CHMP5: variants seen among roughly 807,000 people sequenced by gnomAD.
The protein encoded by CHMP5 is charged multivesicular body protein 5.
In CHMP5, 17 loss-of-function variants were observed where a neutral mutation model predicts 33.0. That is an observed-to-expected ratio of 0.52 (90% CI 0.35 to 0.77). The LOEUF (loss-of-function observed/expected upper bound fraction) is 0.77. Among genes scored for constraint, CHMP5 ranks in the 30% least tolerant of loss-of-function variants. CHMP5 has a pLI of 0.01. For synonymous variants in CHMP5, 76 were observed against 90.2 expected (o/e 0.84, Z 0.89); for missense variants, 216 against 261.5 (o/e 0.83, Z 1.20).
intron 1 of CHMP5, among the ~76,000 whole-genome samples, chr9:33,265,808 C>T (rs1011000554): frequency 3.9e-5 from 6 of 152,166 alleles, no homozygotes; most frequent in South Asian, 2.1e-4. Flanking sequence ...ATATCAGAAT[C>T]GGGGCAGTGT....
In CHMP5 at chr9:33,281,145, A is replaced by T. The variant is rs2118062293; in HGVS notation, c.*286A>T. ...CATTCATTAATAATAATTTGAAATA[A>T]AACTAAGGAAATGGAATCTTAAAAG... On this transcript the variant is annotated 3_prime_UTR_variant, in exon 8 of 8. Coordinates refer to ENST00000223500, the MANE Select transcript of CHMP5 (RefSeq NM_016410.6). 1 of 322,912 alleles carries T rather than the reference A, an allele frequency of 3.1e-6. No individual in the cohort carries two copies. The highest frequency in any genetic ancestry group is 5.9e-5 in the East Asian group (1 of 16,918). 20.0% of individuals were successfully genotyped at this position (322,912 alleles called of 1,614,324 possible).
rs117341273 is a variant in CHMP5, at chr9:33,272,425, C to T, written c.387+1202C>T. On this transcript the variant is annotated intron_variant, in intron 5 of 7. Coordinates refer to ENST00000223500, the MANE Select transcript of CHMP5 (RefSeq NM_016410.6). Reference sequence around the variant, plus strand: ...AAAAAAAAAAAGAGAGAAAGCAGTACAGCCTGATTCAAGCAGTGTTTGTTA... The same window carrying T: ...AAAAAAAAAAAGAGAGAAAGCAGTATAGCCTGATTCAAGCAGTGTTTGTTA... 1.7e-4 allele frequency among the ~76,000 whole-genome samples: 25 copies of T among 149,010 alleles called. No individual in the cohort carries two copies. The East Asian group carries it at 3.9e-3, about 23-fold the overall frequency.
intron 6 of CHMP5, chr9:33,277,803 T>C (rs1190851716): frequency 4.7e-6 from 1 of 210,544 alleles, no homozygotes; most frequent in East Asian, 9.9e-5. Context: ...GCTTTCCCGC[T>C]CTCTCCATGG....
rs572875571 is a variant in CHMP5 at position 33,278,172 on chromosome 9, G to A, written c.556G>A (p.Ala186Thr). The A allele has an allele frequency of 1.3e-5, 21 of 1,613,394 alleles. No homozygotes were observed. Among genetic ancestry groups the A allele is most frequent in the African/African-American group, 9.3e-5 (7 of 75,032 alleles). Residue 186 changes from alanine to threonine, a missense_variant, in exon 7 of 8, where the codon GCA becomes ACA. By Grantham distance (58) the Ala-to-Thr change is moderately conservative. Coordinates refer to ENST00000223500, the MANE Select transcript of CHMP5 (RefSeq NM_016410.6). ...ADEDSSYLDE[A>T]ASAPAIPEGV... The stretch of plus-strand genomic sequence containing the variant: ...TGAAGACAGTTCTTATTTGGATGAG[G>A]CAGCATCTGCACCTGCAATTCCAGA...
intron 2 of CHMP5, 31 bp from the exon 3 acceptor site, chr9:33,267,822 T>A: frequency 6.5e-7 from 1 of 1,542,412 alleles, no homozygotes; most frequent in Non-Finnish European, 9.0e-7. Context: ...GTTTTCCACC[T>A]TATTTTTATT....
At chr9:33,267,040 A>G (rs1820735783) in intron 2 of CHMP5, among the ~76,000 whole-genome samples, 1 of 152,194 alleles carries the variant, frequency 6.6e-6, no homozygotes. Context: ...GATAATACCC[A>G]CCTTACAGTA....
chr9:33,277,867 A>C, intron 6 of CHMP5: 1 of 348,810 alleles, frequency 2.9e-6, no homozygotes, highest in Non-Finnish European at 5.3e-6. Flanking sequence ...TTTATTTTTT[A>C]ATTTCCCATC....
chr9:33,268,294 T>G (rs2090069202), intron 3 of CHMP5, among the ~76,000 whole-genome samples: 1 of 152,226 alleles, frequency 6.6e-6, no homozygotes, highest in Non-Finnish European at 1.5e-5. Context: ...TTCCTATTAT[T>G]TATTTTAGAG....
intron 5 of CHMP5, among the ~76,000 whole-genome samples, chr9:33,275,176 G>A (rs143308978): frequency 1.4e-3 from 212 of 152,260 alleles, no homozygotes; most frequent in African/African-American, 4.5e-3. Context: ...AACGAGGATC[G>A]AAAATATAGT....
chr9:33,280,591 G>C (rs1383844990), intron 7 of CHMP5, among the ~76,000 whole-genome samples: 1 of 152,042 alleles, frequency 6.6e-6, no homozygotes, highest in East Asian at 1.9e-4. Flanking sequence ...TCTTTCCCCT[G>C]TGGAGGAGCC....
chr9:33,267,843 T>C lies in CHMP5; in HGVS notation c.175-10T>C, dbSNP rs753513450. ...CACCTTATTTTTATTAAATCTGTTTTTCTCTCCAGAATATGGTCAAGCAGA... is the reference window on the plus strand; with the variant it reads ...CACCTTATTTTTATTAAATCTGTTTCTCTCTCCAGAATATGGTCAAGCAGA... On this transcript the variant is annotated splice_polypyrimidine_tract_variant and intron_variant, in intron 2 of 7. Coordinates refer to ENST00000223500, the MANE Select transcript of CHMP5 (RefSeq NM_016410.6). The C allele has an allele frequency of 6.2e-7, 1 of 1,601,692 alleles. No individual in the cohort carries two copies. The highest frequency in any genetic ancestry group is 1.1e-5 in the South Asian group (1 of 90,652).
chr9:33,272,567 G>A (rs797006480), intron 5 of CHMP5, among the ~76,000 whole-genome samples: 32 of 152,220 alleles, frequency 2.1e-4, no homozygotes, highest in African/African-American at 7.5e-4. Flanking sequence ...CACTTTGGGA[G>A]GCCGAGGCGG....
chr9:33,270,950 C>T (rs1244896661), intron 4 of CHMP5, among the ~76,000 whole-genome samples: 1 of 152,090 alleles, frequency 6.6e-6, no homozygotes, highest in Non-Finnish European at 1.5e-5. Flanking sequence ...GGTGTGGTGG[C>T]GTGCACCTGT....
intron 5 of CHMP5, among the ~76,000 whole-genome samples, chr9:33,273,310 T>C (rs1820816904): frequency 6.6e-6 from 1 of 152,050 alleles, no homozygotes; most frequent in African/African-American, 2.4e-5. Context: ...CATTAAAATA[T>C]AATGAAATGC....
At chr9:33,279,230 G>C (rs2118052954) in intron 7 of CHMP5, among the ~76,000 whole-genome samples, 1 of 152,200 alleles carries the variant, frequency 6.6e-6, no homozygotes, top group African/African-American at 2.4e-5. Flanking sequence ...TGACAACCAG[G>C]CTGGGCAAGG....
intron 5 of CHMP5, 69 bp downstream of exon 5, chr9:33,271,292 T>C (rs1820792061): frequency 7.9e-7 from 1 of 1,258,280 alleles, no homozygotes; most frequent in South Asian, 1.2e-5. Flanking sequence ...AGTGTGCATG[T>C]GATAGGAAGA....
chr9:33,266,425 C>A (rs1820725443), intron 2 of CHMP5, among the ~76,000 whole-genome samples: 1 of 152,244 alleles, frequency 6.6e-6, no homozygotes, highest in South Asian at 2.1e-4. Context: ...TGAGCAGAGA[C>A]CACACCATAG....
rs771677291 is a variant in CHMP5 at position 33,267,880 on chromosome 9, G to A, written c.202G>A (p.Val68Ile). ...KNMVKQKALR[V>I]LKQKRMYEQQ... ...TATGGTCAAGCAGAAAGCCTTGCGA[G>A]TTTTAAAGCAAAAGAGGATGTAAGT... Residue 68 changes from valine (V) to isoleucine (I), a missense_variant, in exon 3 of 8, where the codon GTT becomes ATT. Physicochemically the swap from Val to Ile is conservative, Grantham distance 29. Coordinates refer to ENST00000223500, the MANE Select transcript of CHMP5 (RefSeq NM_016410.6). 3 of 1,611,354 alleles carry A rather than the reference G, an allele frequency of 1.9e-6. No individual in the cohort carries two copies. The highest frequency in any genetic ancestry group is 2.2e-5 in the East Asian group (1 of 44,820).
chr9:33,271,632 G>GT (rs1820795770), intron 5 of CHMP5, among the ~76,000 whole-genome samples: 1 of 152,170 alleles, frequency 6.6e-6, no homozygotes, highest in Non-Finnish European at 1.5e-5. Context: ...GTAGGCTAAT[G>GT]TAAGTGTTCT....
Sources: gnomAD v4.1 joint callset for allele counts (sites outside exome capture counted in the v4.1 genomes callset) on GRCh38, gnomAD v4.1.1 for gene constraint, MANE v1.5 for transcripts, NCBI Gene and HGNC (gene_info 2026-07-23, HGNC 2026-07-21) for gene names.